Variants in PALM2AKAP2 observed in about 807,000 individuals in gnomAD.
The protein encoded by PALM2AKAP2 is PALM2 and AKAP2 fusion.
Under a neutral mutation model 71.5 loss-of-function variants are expected in PALM2AKAP2, and 37 were observed. The ratio of observed to expected loss-of-function variants is 0.52; its 90% CI spans 0.40 to 0.68. The LOEUF (loss-of-function observed/expected upper bound fraction) is 0.68. Ranked by LOEUF, PALM2AKAP2 falls within the 30% of genes least tolerant of loss-of-function variation. The probability of loss-of-function intolerance (pLI) is 0.00; values close to 1 mark genes in which losing one functional copy is unlikely to be tolerated. For synonymous variants in PALM2AKAP2, 468 were observed against 478.8 expected (o/e 0.98, Z 0.29); for missense variants, 1,224 against 1,191.8 (o/e 1.03, Z -0.40).
intron 7 of PALM2AKAP2, among the ~76,000 whole-genome samples, chr9:110,034,855 C>T (rs912798905): frequency 7.9e-5 from 12 of 151,234 alleles, no homozygotes; most frequent in Non-Finnish European, 1.5e-4. Flanking sequence ...TGCCCTCCTC[C>T]GCCTCCCAAA....
upstream of PALM2AKAP2, among the ~76,000 whole-genome samples, chr9:110,043,717 T>TTA (rs1491536835): frequency 1.9e-5 from 1 of 51,630 alleles, no homozygotes; most frequent in Non-Finnish European, 3.9e-5. Context: ...TTTTTTGGTG[T>TTA]TTTTTTTTTT....
chr9:109,865,961 T>C (rs1829438418), intron 1 of PALM2AKAP2, among the ~76,000 whole-genome samples: 1 of 152,202 alleles, frequency 6.6e-6, no homozygotes, highest in African/African-American at 2.4e-5. Context: ...TTGCACACAC[T>C]CTGGGATTAA....
At chr9:110,100,057 A>ATATG (rs1264026923) in intron 1 of PALM2AKAP2, among the ~76,000 whole-genome samples, 2 of 126,338 alleles carry the variant, frequency 1.6e-5, no homozygotes, top group Non-Finnish European at 3.2e-5. Flanking sequence ...GTGTCTATAT[A>ATATG]TATATATATA....
At chr9:109,791,833 A>G (rs1344346855) in intron 1 of PALM2AKAP2, among the ~76,000 whole-genome samples, 2 of 152,184 alleles carry the variant, frequency 1.3e-5, no homozygotes, top group African/African-American at 2.4e-5. Context: ...TGGAAATCCA[A>G]TTTTGAAGGA....
intron 3 of PALM2AKAP2, among the ~76,000 whole-genome samples, chr9:109,886,652 A>T (rs1342066548): frequency 6.6e-6 from 1 of 152,186 alleles, no homozygotes; most frequent in African/African-American, 2.4e-5. Flanking sequence ...CTTCAGTCTC[A>T]GTTTCCTCAT....
intron 1 of PALM2AKAP2, among the ~76,000 whole-genome samples, chr9:109,698,435 G>A (rs530206892): frequency 7.2e-5 from 11 of 152,112 alleles, no homozygotes; most frequent in East Asian, 1.9e-4. Flanking sequence ...ATGCCACCAC[G>A]CCTGGCTAAT....
chr9:109,986,196 G>A (rs1187512676), intron 6 of PALM2AKAP2, among the ~76,000 whole-genome samples: 2 of 152,204 alleles, frequency 1.3e-5, no homozygotes, highest in East Asian at 3.8e-4. Flanking sequence ...ATGACATAGA[G>A]CTGCGTGAAA....
chr9:109,910,909 A>G (rs977422742), intron 3 of PALM2AKAP2, among the ~76,000 whole-genome samples: 17 of 152,246 alleles, frequency 1.1e-4, no homozygotes, highest in African/African-American at 4.1e-4. Context: ...AGCAGCAACT[A>G]GAACAGGATG....
At chr9:109,723,134 C>T (rs1828428944) in intron 1 of PALM2AKAP2, among the ~76,000 whole-genome samples, 4 of 152,170 alleles carry the variant, frequency 2.6e-5, no homozygotes, top group Non-Finnish European at 5.9e-5. Flanking sequence ...TGATCTTAGA[C>T]CCTTTTGTGG....
At chr9:110,100,051 C>CTA (rs71373968) in intron 1 of PALM2AKAP2, among the ~76,000 whole-genome samples, 17,709 of 109,264 alleles carry the variant, frequency 0.16, 1,627 homozygotes, top group Non-Finnish European at 0.21. Context: ...GTATGTGTGT[C>CTA]TATATATATA....
chr9:110,042,576 A>C (rs895581497), intron 7 of PALM2AKAP2, among the ~76,000 whole-genome samples: 1 of 152,246 alleles, frequency 6.6e-6, no homozygotes, highest in Non-Finnish European at 1.5e-5. Context: ...TAGTTGAGCT[A>C]GAGTAAGCAA....
intron 6 of PALM2AKAP2, among the ~76,000 whole-genome samples, chr9:109,949,115 T>C (rs1365361826): frequency 1.3e-5 from 2 of 152,134 alleles, no homozygotes; most frequent in Admixed American, 6.5e-5. Flanking sequence ...TGGGCATAGG[T>C]TGGGATTTAC....
intron 7 of PALM2AKAP2, among the ~76,000 whole-genome samples, chr9:110,018,667 C>G (rs1411122310): frequency 6.6e-6 from 1 of 152,062 alleles, no homozygotes; most frequent in Non-Finnish European, 1.5e-5. Flanking sequence ...ATCAATAAAC[C>G]CCTACAAATA....
intron 1 of PALM2AKAP2, among the ~76,000 whole-genome samples, chr9:110,129,792 C>T (rs912788784): frequency 6.6e-6 from 1 of 152,182 alleles, no homozygotes; most frequent in African/African-American, 2.4e-5. Flanking sequence ...CTCTGCTTCC[C>T]ATGTGACTGG....
intron 3 of PALM2AKAP2, among the ~76,000 whole-genome samples, chr9:110,160,459 A>G (rs1296892723): frequency 6.6e-6 from 1 of 152,166 alleles, no homozygotes; most frequent in Non-Finnish European, 1.5e-5. Context: ...GACTGCCTCC[A>G]AGGTGGGGTT....
At chr9:109,763,843 A>G (rs1296539945) in intron 1 of PALM2AKAP2, among the ~76,000 whole-genome samples, 1 of 152,072 alleles carries the variant, frequency 6.6e-6, no homozygotes, top group Non-Finnish European at 1.5e-5. Context: ...CTCTGTCTCC[A>G]TGTGGCCTTC....
intron 1 of PALM2AKAP2, among the ~76,000 whole-genome samples, chr9:109,685,826 G>T (rs915698023): frequency 1.3e-5 from 2 of 152,066 alleles, no homozygotes; most frequent in Non-Finnish European, 1.5e-5. Context: ...TTTCATGAAA[G>T]ATTTCTCTGT....
At chr9:109,841,520 A>T (rs890815490) in intron 1 of PALM2AKAP2, among the ~76,000 whole-genome samples, 8 of 102,544 alleles carry the variant, frequency 7.8e-5, no homozygotes, top group East Asian at 5.0e-4. Flanking sequence ...TATAATAAAA[A>T]AAAAAAAGAA....
At chr9:110,159,889 C>T (rs550380098) in intron 3 of PALM2AKAP2, among the ~76,000 whole-genome samples, 1 of 152,246 alleles carries the variant, frequency 6.6e-6, no homozygotes, top group East Asian at 1.9e-4. Context: ...AAAGGTTGTC[C>T]CCAACCAGCC....
Sources: gnomAD v4.1 joint callset for allele counts (sites outside exome capture counted in the v4.1 genomes callset) on GRCh38, gnomAD v4.1.1 for gene constraint, MANE v1.5 for transcripts, NCBI Gene and HGNC (gene_info 2026-07-23, HGNC 2026-07-21) for gene names.